The following TAMM41 variants were observed in gnomAD, a reference collection of about 807,000 sequenced individuals.
TAMM41 encodes the protein phosphatidate cytidylyltransferase, mitochondrial.
A neutral mutation model predicts 44.1 loss-of-function variants in TAMM41; 36 were observed. That is an observed-to-expected ratio of 0.82 (90% confidence interval 0.63 to 1.08). TAMM41 has a LOEUF of 1.08. Among genes scored for constraint, TAMM41 ranks in the 50% least tolerant of loss-of-function variants. TAMM41 has a pLI of 0.00. For missense variants in TAMM41, 417 were observed against 404.3 expected, an observed-to-expected ratio of 1.03 and a Z score of -0.27; for synonymous variants, 164 against 153.1, an observed-to-expected ratio of 1.07 and a Z score of -0.53.
In TAMM41 at chr3:11,790,563, A is replaced by G; in HGVS notation, c.956T>C (p.Ile319Thr). The G allele has an allele frequency of 6.2e-7, 1 of 1,614,014 alleles. No individual in the cohort carries two copies. Among genetic ancestry groups the G allele is most frequent in the East Asian group, 2.2e-5 (1 of 44,886 alleles). Residue 319 changes from isoleucine (I) to threonine (T), a missense_variant, in exon 8 of 8, where the codon ATT becomes ACT. Physicochemically the swap from Ile to Thr is moderately conservative, Grantham distance 89. Transcript: ENST00000455809. ...TTTGTGCAGTTTTAGTGAACTATAA[A>G]TCACTGACTTCTTCAGGCCTAAAAG... Reference protein sequence around the residue: ...IFTAGLKKSVIYSSLKLHKMW... With the variant: ...IFTAGLKKSVTYSSLKLHKMW...
At chr3:11,833,485 C>G (rs904394331) in intron 3 of TAMM41, among the ~76,000 whole-genome samples, 1 of 152,144 alleles carries the variant, frequency 6.6e-6, no homozygotes, top group Non-Finnish European at 1.5e-5. Flanking sequence ...CCATTCCAAA[C>G]GACCAGGAGG....
At chr3:11,843,056 C>G (rs796508289) in intron 2 of TAMM41, among the ~76,000 whole-genome samples, 1 of 152,184 alleles carries the variant, frequency 6.6e-6, no homozygotes, top group Non-Finnish European at 1.5e-5. Context: ...CTCCAACAGC[C>G]CACTGTCAAA....
At chr3:11,803,292 G>A (rs778945907) in intron 7 of TAMM41, among the ~76,000 whole-genome samples, 1 of 152,134 alleles carries the variant, frequency 6.6e-6, no homozygotes, top group Non-Finnish European at 1.5e-5. Context: ...GCTGAAGGGG[G>A]AGAATCGCTT....
At chr3:11,743,230 C>T in the TAMM41 span, among the ~76,000 whole-genome samples, 2 of 151,544 alleles carry the variant, frequency 1.3e-5, no homozygotes, top group Non-Finnish European at 2.9e-5. Flanking sequence ...GCAGTGGAGT[C>T]TTTGCTGAAA....
At chr3:11,805,160 C>T (rs1332958984) in intron 7 of TAMM41, among the ~76,000 whole-genome samples, 2 of 152,032 alleles carry the variant, frequency 1.3e-5, no homozygotes, top group African/African-American at 2.4e-5. Context: ...TGCCACCACG[C>T]CCAGCTAATT....
At chr3:11,805,034 T>G (rs2077865447) in intron 7 of TAMM41, among the ~76,000 whole-genome samples, 1 of 133,688 alleles carries the variant, frequency 7.5e-6, no homozygotes, top group African/African-American at 2.9e-5. Context: ...TGAGACGAAG[T>G]CTCACTCTCG....
chr3:11,797,093 G>C (rs1250994734), intron 7 of TAMM41, among the ~76,000 whole-genome samples: 1 of 152,040 alleles, frequency 6.6e-6, no homozygotes, highest in Non-Finnish European at 1.5e-5. Context: ...ATATATTCAA[G>C]GCTATTCCTA....
chr3:11,798,303 G>C (rs1575608367), intron 7 of TAMM41, among the ~76,000 whole-genome samples: 1 of 152,126 alleles, frequency 6.6e-6, no homozygotes, highest in Non-Finnish European at 1.5e-5. Context: ...ATACACCATG[G>C]AATACTATGC....
the TAMM41 span, among the ~76,000 whole-genome samples, chr3:11,753,387 A>T: frequency 6.6e-6 from 1 of 151,152 alleles, no homozygotes; most frequent in East Asian, 2.0e-4. Flanking sequence ...TGAGCCAAGA[A>T]TGCACCACTG....
chr3:11,813,395 T>TGCCACAGCTGGGTGCATGCCACAGCTG (rs2078151402), intron 5 of TAMM41, among the ~76,000 whole-genome samples: 1 of 152,144 alleles, frequency 6.6e-6, no homozygotes, highest in Non-Finnish European at 1.5e-5. Flanking sequence ...CTGGGTGTGA[T>TGCCACAGCTGGGTGCATGCCACAGCTG]GGTGCATGCC....
chr3:11,808,094 C>T (rs917888303), intron 6 of TAMM41, 199 bp from the exon 7 acceptor site: 91 of 1,135,140 alleles, frequency 8.0e-5, no homozygotes, highest in Non-Finnish European at 9.7e-5. Flanking sequence ...CCAGCCGTGG[C>T]GCCACCCGGC....
chr3:11,839,330 A>C lies in TAMM41; in HGVS notation c.319-16T>G. ...ATTTGATAAGCTGAAGGAAAAAAGAAATGGCACAAAACGGAGTAAAATACC... is the reference window on the plus strand; with the variant it reads ...ATTTGATAAGCTGAAGGAAAAAAGACATGGCACAAAACGGAGTAAAATACC... On this transcript the variant is annotated splice_polypyrimidine_tract_variant and intron_variant, in intron 2 of 7. Transcript: ENST00000455809. 6.7e-7 allele frequency: 1 copy of C among 1,500,512 alleles called. No homozygotes were observed. Among genetic ancestry groups the C allele is most frequent in the South Asian group, 1.2e-5 (1 of 86,788 alleles). The allele number at this position is 1,500,512 out of a possible 1,614,324, so 92.9% of individuals were successfully genotyped here. A position where few individuals can be genotyped will look rare whatever the true frequency, so the allele number is the denominator to read the frequency against.
intron 7 of TAMM41, among the ~76,000 whole-genome samples, chr3:11,794,362 C>T (rs1166276776): frequency 6.6e-6 from 1 of 151,818 alleles, no homozygotes; most frequent in African/African-American, 2.4e-5. Flanking sequence ...GGTCTTGAAC[C>T]CTTGGCCTCA....
At chr3:11,827,469 C>G (rs188724199) in intron 4 of TAMM41, among the ~76,000 whole-genome samples, 18 of 151,704 alleles carry the variant, frequency 1.2e-4, no homozygotes, top group African/African-American at 4.1e-4. Context: ...ACCACCACGC[C>G]TGACTAATTT....
chr3:11,831,483 C>T (rs1320456388), intron 3 of TAMM41, among the ~76,000 whole-genome samples: 1 of 152,178 alleles, frequency 6.6e-6, no homozygotes, highest in Non-Finnish European at 1.5e-5. Context: ...TAAGGACTCT[C>T]ATATGTCTAA....
the TAMM41 span, among the ~76,000 whole-genome samples, chr3:11,743,335 CTTTTT>C: frequency 7.1e-6 from 1 of 141,012 alleles, no homozygotes; most frequent in East Asian, 2.1e-4. Flanking sequence ...CTAATAATCT[CTTTTT>C]TTTTTTTTTT....
chr3:11,827,799 A>G (rs1212238630), intron 4 of TAMM41, among the ~76,000 whole-genome samples: 1 of 152,198 alleles, frequency 6.6e-6, no homozygotes, highest in African/African-American at 2.4e-5. Flanking sequence ...CAGTCAAAGT[A>G]ATCCTAAAAT....
the TAMM41 span, among the ~76,000 whole-genome samples, chr3:11,727,691 T>C: frequency 0.49 from 73,683 of 151,790 alleles, 18,278 homozygotes; most frequent in East Asian, 0.67. Context: ...GTCTCAAACT[T>C]CTGGACTCAA....
the TAMM41 span, among the ~76,000 whole-genome samples, chr3:11,784,044 A>C: frequency 6.6e-6 from 1 of 152,218 alleles, no homozygotes; most frequent in Non-Finnish European, 1.5e-5. Flanking sequence ...AGACTACAAC[A>C]ACCCGATACA....
Sources: allele counts gnomAD v4.1 joint callset (sites outside exome capture counted in the v4.1 genomes callset), GRCh38; gene constraint gnomAD v4.1.1; transcripts MANE v1.5; gene names NCBI Gene and HGNC (gene_info 2026-07-23, HGNC 2026-07-21).